The following ASTN2 variants were observed in gnomAD, a reference collection of about 807,000 sequenced individuals.
The protein encoded by ASTN2 is astrotactin 2, also known as astrotactin-2.
ASTN2 carries 54 observed loss-of-function variants against 139.8 expected under a neutral mutation model. That is an observed-to-expected ratio of 0.39 (90% CI 0.31 to 0.48). The LOEUF (loss-of-function observed/expected upper bound fraction) is 0.48, where lower values mean the gene tolerates loss of function less well. ASTN2 is among the 20% of genes least tolerant of loss of function. ASTN2 has a pLI of 0.95. For synonymous variants in ASTN2, 756 were observed against 719.5 expected (o/e 1.05, Z -0.81); for missense variants, 1,565 against 1,725.1 (o/e 0.91, Z 1.64).
At chr9:117,077,042 C>T (rs1044806440) in intron 5 of ASTN2, among the ~76,000 whole-genome samples, 12 of 152,098 alleles carry the variant, frequency 7.9e-5, no homozygotes, top group Admixed American at 3.3e-4. Flanking sequence ...ACTAATCGCC[C>T]GGCTGTTGCC....
chr9:116,655,408 AGAGAGCATGT>A (rs1031254942), intron 16 of ASTN2, among the ~76,000 whole-genome samples: 3 of 152,220 alleles, frequency 2.0e-5, no homozygotes, highest in Non-Finnish European at 2.9e-5. Flanking sequence ...AAAACCATTA[AGAGAGCATGT>A]AGAAAATGTG....
At chr9:116,924,794 C>A (rs12002288) in intron 10 of ASTN2, among the ~76,000 whole-genome samples, 5 of 152,066 alleles carry the variant, frequency 3.3e-5, no homozygotes, top group African/African-American at 4.8e-5. Context: ...TTTACTGCAA[C>A]CTGTTTTATT....
intron 3 of ASTN2, among the ~76,000 whole-genome samples, chr9:117,168,641 C>A (rs1220148943): frequency 6.6e-6 from 1 of 152,102 alleles, no homozygotes; most frequent in African/African-American, 2.4e-5. Flanking sequence ...ATCCAGGGAC[C>A]TCATGTTAGA....
intron 2 of ASTN2, among the ~76,000 whole-genome samples, chr9:117,219,272 T>C (rs374612544): frequency 3.0e-4 from 46 of 151,936 alleles, no homozygotes; most frequent in South Asian, 1.7e-3. Context: ...ACACCAGAGG[T>C]AAGCAAACAG....
intron 1 of ASTN2, among the ~76,000 whole-genome samples, chr9:117,378,010 A>C (rs963391876): frequency 6.6e-6 from 1 of 152,230 alleles, no homozygotes; most frequent in Admixed American, 6.5e-5. Flanking sequence ...AAGGGGATGC[A>C]GAATGGAACT....
At chr9:117,035,455 G>T (rs887603825) in intron 6 of ASTN2, among the ~76,000 whole-genome samples, 2 of 152,078 alleles carry the variant, frequency 1.3e-5, no homozygotes, top group African/African-American at 2.4e-5. Context: ...CACTATTATC[G>T]CTTTCCCTCT....
At chr9:116,590,247 G>T (rs971929827) in intron 19 of ASTN2, among the ~76,000 whole-genome samples, 11 of 152,174 alleles carry the variant, frequency 7.2e-5, no homozygotes, top group Non-Finnish European at 1.5e-4. Context: ...AGGGACCTGG[G>T]GATCACCCCC....
At chr9:117,180,771 A>G in intron 3 of ASTN2, 1 of 1,562,186 alleles carries the variant, frequency 6.4e-7, no homozygotes, top group East Asian at 2.2e-5. Flanking sequence ...CACAGCCATC[A>G]GGGATGAGCT....
intron 17 of ASTN2, among the ~76,000 whole-genome samples, chr9:116,643,127 G>C (rs1206966045): frequency 6.6e-6 from 1 of 152,138 alleles, no homozygotes; most frequent in Admixed American, 6.5e-5. Flanking sequence ...ATGTGTTGTA[G>C]GGGGACAGAG....
intron 1 of ASTN2, among the ~76,000 whole-genome samples, chr9:117,403,544 C>T (rs1830897210): frequency 6.6e-6 from 1 of 152,122 alleles, no homozygotes; most frequent in African/African-American, 2.4e-5. Flanking sequence ...ATGCCCCACC[C>T]CCTTCCCTCC....
intron 2 of ASTN2, among the ~76,000 whole-genome samples, chr9:117,286,805 C>T (rs938307184): frequency 6.6e-6 from 1 of 152,178 alleles, no homozygotes; most frequent in Non-Finnish European, 1.5e-5. Context: ...GGAGTGAATA[C>T]TCTATAAAAT....
intron 5 of ASTN2, among the ~76,000 whole-genome samples, chr9:117,077,035 A>T (rs1053278463): frequency 6.6e-6 from 1 of 152,158 alleles, no homozygotes. Context: ...AAATTTCACT[A>T]ATCGCCCGGC....
At chr9:116,543,851 C>T (rs41308928) in intron 19 of ASTN2, 25,611 of 152,110 alleles carry the variant, frequency 0.17, 2,415 homozygotes, top group African/African-American at 0.24. Context: ...TGTGAGGTTC[C>T]TGTTGGTATC....
At chr9:116,803,499 TATATATATATATATATATA>T (rs1376517195) in intron 13 of ASTN2, among the ~76,000 whole-genome samples, 5 of 5,886 alleles carry the variant, frequency 8.5e-4, no homozygotes, top group Non-Finnish European at 1.3e-3. Context: ...TATATATATA[TATATATATATATATATATA>T]TATATTTTTT....
At chr9:116,891,043 G>A (rs1833750856) in intron 10 of ASTN2, among the ~76,000 whole-genome samples, 1 of 152,142 alleles carries the variant, frequency 6.6e-6, no homozygotes, top group Non-Finnish European at 1.5e-5. Flanking sequence ...AGTCATCAAA[G>A]CAAAAGTTCT....
intron 2 of ASTN2, among the ~76,000 whole-genome samples, chr9:117,223,190 G>C (rs7023033): frequency 0.013 from 2,045 of 152,200 alleles, 44 homozygotes; most frequent in African/African-American, 0.046. Context: ...ATACCATTGA[G>C]GTAGATTTTA....
intron 17 of ASTN2, among the ~76,000 whole-genome samples, chr9:116,622,936 G>A (rs1465991813): frequency 2.0e-5 from 3 of 152,200 alleles, no homozygotes; most frequent in Non-Finnish European, 4.4e-5. Flanking sequence ...ATGAGGTCAT[G>A]CTGACTGTTA....
intron 20 of ASTN2, among the ~76,000 whole-genome samples, chr9:116,478,427 G>A (rs1006917210): frequency 1.3e-5 from 2 of 152,112 alleles, no homozygotes; most frequent in African/African-American, 4.8e-5. Context: ...TTTCCCTGGT[G>A]TGTCCTGGAT....
intron 8 of ASTN2, 126 bp from the exon 9 acceptor site, chr9:116,976,314 A>G: frequency 2.8e-6 from 2 of 726,428 alleles, no homozygotes. Context: ...ATTGGGCAAG[A>G]CTACTTATAT....
Sources: allele counts gnomAD v4.1 joint callset (sites outside exome capture counted in the v4.1 genomes callset), GRCh38; gene constraint gnomAD v4.1.1; transcripts MANE v1.5; gene names NCBI Gene and HGNC (gene_info 2026-07-23, HGNC 2026-07-21).